Variants in RPA1 observed in about 807,000 individuals in gnomAD.
The protein encoded by RPA1 is replication protein A 70 kDa DNA-binding subunit.
A neutral mutation model predicts 83.0 loss-of-function variants in RPA1; 49 were observed. That is an observed-to-expected ratio of 0.59 (90% confidence interval 0.47 to 0.75). The LOEUF is 0.75. Ranked by LOEUF, RPA1 falls within the 30% of genes least tolerant of loss-of-function variation. The pLI is 0.00. For synonymous variants in RPA1, 279 were observed against 281.8 expected, an observed-to-expected ratio of 0.99 and a Z score of 0.10; for missense variants, 693 against 776.1, an observed-to-expected ratio of 0.89 and a Z score of 1.27.
At chr17:1,859,781 C>A (rs1912871047) in intron 5 of RPA1, among the ~76,000 whole-genome samples, 2 of 152,010 alleles carry the variant, frequency 1.3e-5, no homozygotes, top group African/African-American at 4.8e-5. Context: ...CAGGCATGTG[C>A]CACCACGCCC....
At chr17:1,857,015 C>T (rs116880984) in intron 5 of RPA1, among the ~76,000 whole-genome samples, 1,747 of 151,624 alleles carry the variant, frequency 0.012, 20 homozygotes, top group Middle Eastern at 0.024. Flanking sequence ...ATTTTTTTCT[C>T]GTTTCTTAAG....
intron 1 of RPA1, among the ~76,000 whole-genome samples, chr17:1,832,358 C>T (rs951046847): frequency 4.6e-5 from 7 of 152,026 alleles, no homozygotes; most frequent in Non-Finnish European, 1.0e-4. Context: ...TTTGAGACCC[C>T]AATTCCTGTT....
chr17:1,879,879 C>T lies in RPA1; in HGVS notation c.1092+180C>T, dbSNP rs1462628377. On this transcript the variant is annotated intron_variant, in intron 11 of 16. Transcript: ENST00000254719. ...ACACAGGAGGAGCTCCAGGAGTTGG[C>T]GGAGGGGGCATCTTGTCCTATAGGA... Among the ~76,000 whole-genome samples, 8 of 129,534 alleles carry T rather than the reference C, an allele frequency of 6.2e-5. No individual in the cohort carries two copies. The East Asian group carries it at 6.9e-4, about 11-fold the overall frequency. 85.0% of individuals were successfully genotyped at this position (129,534 alleles called of 152,430 possible).
chr17:1,840,115 AAAAG>A (rs1911990242), intron 1 of RPA1, among the ~76,000 whole-genome samples: 1 of 151,948 alleles, frequency 6.6e-6, no homozygotes, highest in African/African-American at 2.4e-5. Flanking sequence ...AAAAAAAAGA[AAAAG>A]AAAATGAAAA....
chr17:1,846,847 A>G (rs995973941), intron 4 of RPA1, among the ~76,000 whole-genome samples: 10 of 152,246 alleles, frequency 6.6e-5, no homozygotes, highest in African/African-American at 2.2e-4. Context: ...TTCCAACGTA[A>G]TAGTACAGTT....
At chr17:1,833,652 T>A (rs971994458) in intron 1 of RPA1, among the ~76,000 whole-genome samples, 3 of 149,982 alleles carry the variant, frequency 2.0e-5, no homozygotes, top group Non-Finnish European at 4.4e-5. Context: ...ATTGGGAGTT[T>A]GAGACCAGCT....
intron 1 of RPA1, among the ~76,000 whole-genome samples, chr17:1,838,154 G>A (rs986774890): frequency 6.6e-6 from 1 of 151,546 alleles, no homozygotes; most frequent in African/African-American, 2.4e-5. Context: ...AGCTGGGCGT[G>A]GTGGCAGGCA....
intron 4 of RPA1, among the ~76,000 whole-genome samples, chr17:1,851,879 A>C (rs1912509202): frequency 6.6e-6 from 1 of 152,214 alleles, no homozygotes; most frequent in South Asian, 2.1e-4. Flanking sequence ...ATTGTATGTA[A>C]AAATCCAAAT....
At chr17:1,894,914 G>A in intron 15 of RPA1, 95 bp from the exon 16 acceptor site, 1 of 907,198 alleles carries the variant, frequency 1.1e-6, no homozygotes. Context: ...AACTACCCAG[G>A]AGATGCATTT....
intron 1 of RPA1, among the ~76,000 whole-genome samples, chr17:1,840,792 C>T (rs886658240): frequency 6.6e-6 from 1 of 152,208 alleles, no homozygotes; most frequent in East Asian, 1.9e-4. Context: ...AAGCCTGGCA[C>T]GGTGGCTCAC....
At chr17:1,856,473 C>T (rs906712501) in intron 5 of RPA1, among the ~76,000 whole-genome samples, 83 of 152,128 alleles carry the variant, frequency 5.5e-4, no homozygotes, top group African/African-American at 1.9e-3. Context: ...GTGGCACGCA[C>T]CTGTAGTCCC....
chr17:1,877,174 A>C, intron 7 of RPA1, 38 bp from the exon 8 acceptor site: 5 of 1,568,416 alleles, frequency 3.2e-6, no homozygotes, highest in Non-Finnish European at 4.4e-6. Flanking sequence ...TTTTCCAAGG[A>C]AGACCCCATA....
chr17:1,844,638 G>T lies in RPA1; in HGVS notation c.224G>T (p.Cys75Phe). Reference sequence around the variant, plus strand: ...GAGGAAGAACAATTGTCCAGCAACTGTGTATGCCAGATTCACAGATTTATT... The same window carrying T: ...GAGGAAGAACAATTGTCCAGCAACTTTGTATGCCAGATTCACAGATTTATT... The part of the protein sequence containing the change: ...LVEEEQLSSN[C>F]VCQIHRFIVN... Residue 75 changes from cysteine (C) to phenylalanine (F), a missense_variant, in exon 4 of 17, where the codon TGT becomes TTT. Transcript: ENST00000254719. 5.0e-6 allele frequency: 8 copies of T among 1,613,826 alleles called. No individual in the cohort carries two copies. The highest frequency in any genetic ancestry group is 6.8e-6 in the Non-Finnish European group (8 of 1,179,894).
chr17:1,839,316 ATTTTTAT>A (rs993163805), intron 1 of RPA1, among the ~76,000 whole-genome samples: 18 of 151,186 alleles, frequency 1.2e-4, no homozygotes, highest in African/African-American at 3.2e-4. Context: ...CTCCAGCTTC[ATTTTTAT>A]TTTTTATTTT....
intron 1 of RPA1, among the ~76,000 whole-genome samples, chr17:1,831,157 C>T (rs922602234): frequency 1.3e-4 from 20 of 152,160 alleles, no homozygotes; most frequent in African/African-American, 3.9e-4. Flanking sequence ...GACAAACTTC[C>T]GTCATCTGTC....
At chr17:1,858,229 C>T in intron 5 of RPA1, 1 of 1,613,810 alleles carries the variant, frequency 6.2e-7, no homozygotes, top group Non-Finnish European at 8.5e-7. Context: ...TGGCCCCAGA[C>T]ACAGGGACTT....
At chr17:1,850,171 C>CAA (rs56943271) in intron 4 of RPA1, among the ~76,000 whole-genome samples, 26 of 130,312 alleles carry the variant, frequency 2.0e-4, no homozygotes, top group East Asian at 6.4e-4. Flanking sequence ...GACTCCATCT[C>CAA]AAAAAAAAAA....
At chr17:1,872,708 CTTTTTTTT>C (rs34892322) in intron 6 of RPA1, among the ~76,000 whole-genome samples, 182 bp downstream of exon 6, 2 of 113,032 alleles carry the variant, frequency 1.8e-5, no homozygotes, top group Non-Finnish European at 3.6e-5. Context: ...TAAAGATTGT[CTTTTTTTT>C]TTTTTTTTTT....
chr17:1,875,925 T>C, intron 7 of RPA1, 132 bp downstream of exon 7: 63 of 434,648 alleles, frequency 1.4e-4, no homozygotes, highest in Non-Finnish European at 1.9e-4. Context: ...GTTTACTCTT[T>C]TTTTTTTTTT....
Sources: gnomAD v4.1 joint callset for allele counts (sites outside exome capture counted in the v4.1 genomes callset) on GRCh38, gnomAD v4.1.1 for gene constraint, MANE v1.5 for transcripts, NCBI Gene and HGNC (gene_info 2026-07-23, HGNC 2026-07-21) for gene names.